The following SOBP variants were observed in gnomAD, a reference collection of about 807,000 sequenced individuals.
SOBP encodes the protein sine oculis binding protein homolog, also known as sine oculis-binding protein homolog.
A neutral mutation model predicts 53.6 loss-of-function variants in SOBP; 4 were observed. The ratio of observed to expected loss-of-function variants is 0.07; its 90% CI spans 0.04 to 0.17. The LOEUF (loss-of-function observed/expected upper bound fraction) is 0.17. Ranked by LOEUF, SOBP falls within the 10% of genes least tolerant of loss-of-function variation. The pLI, the probability that SOBP is intolerant of heterozygous loss-of-function variation, is 1.00. For synonymous variants in SOBP, 584 were observed against 522.6 expected (o/e 1.12, Z -1.60); for missense variants, 1,088 against 1,204.7 (o/e 0.90, Z 1.43).
At chr6:107,558,845 A>C (rs193146267) in intron 4 of SOBP, among the ~76,000 whole-genome samples, 5 of 152,226 alleles carry the variant, frequency 3.3e-5, no homozygotes, top group Admixed American at 2.0e-4. Flanking sequence ...ACAACTAGCT[A>C]TTTAGATTAG....
At chr6:107,600,641 TG>T (rs1482076578) in intron 5 of SOBP, among the ~76,000 whole-genome samples, 1 of 152,232 alleles carries the variant, frequency 6.6e-6, no homozygotes. Flanking sequence ...AGCTGAAGCC[TG>T]AGGATAAAGG....
intron 4 of SOBP, among the ~76,000 whole-genome samples, chr6:107,546,677 G>T (rs1001069839): frequency 6.6e-6 from 1 of 152,210 alleles, no homozygotes; most frequent in African/African-American, 2.4e-5. Context: ...TACAAAGTTT[G>T]CAGGGTCACT....
At chr6:107,559,842 ACTCTTATAAT>A (rs1332461172) in intron 4 of SOBP, among the ~76,000 whole-genome samples, 5 of 152,182 alleles carry the variant, frequency 3.3e-5, no homozygotes, top group Admixed American at 3.3e-4. Flanking sequence ...GCAAACATAG[ACTCTTATAAT>A]CTAAAGTAGG....
In SOBP at chr6:107,660,889, G is replaced by A. The variant is rs1772267168; in HGVS notation, c.*2686G>A. Among the ~76,000 whole-genome samples, 2 of 152,230 alleles carry A rather than the reference G, an allele frequency of 1.3e-5. No homozygotes were observed. Among genetic ancestry groups the A allele is most frequent in the South Asian group, 2.1e-4 (1 of 4,834 alleles). On this transcript the variant is annotated 3_prime_UTR_variant, in exon 7 of 7. Coordinates refer to ENST00000317357, the MANE Select transcript of SOBP (RefSeq NM_018013.4). The stretch of plus-strand genomic sequence containing the variant: ...AAGTGATCATCCTGTGGATTCCGGA[G>A]ACCTGATTTTCTTCTCCCATGGAGC...
intron 4 of SOBP, among the ~76,000 whole-genome samples, chr6:107,585,815 T>C (rs1583240252): frequency 6.6e-6 from 1 of 152,174 alleles, no homozygotes; most frequent in Non-Finnish European, 1.5e-5. Context: ...GTACAAAATA[T>C]GGATCTCTTT....
intron 3 of SOBP, among the ~76,000 whole-genome samples, chr6:107,529,843 C>T (rs1163284962): frequency 6.6e-6 from 1 of 152,084 alleles, no homozygotes; most frequent in Non-Finnish European, 1.5e-5. Context: ...TGTTCTATAG[C>T]TCTTGGAACA....
At chr6:107,567,658 G>C (rs564445503) in intron 4 of SOBP, among the ~76,000 whole-genome samples, 2 of 152,310 alleles carry the variant, frequency 1.3e-5, no homozygotes, top group African/African-American at 4.8e-5. Flanking sequence ...TCCACTTCCA[G>C]AATTTTGTGT....
At chr6:107,630,792 C>CG in intron 5 of SOBP, among the ~76,000 whole-genome samples, 1 of 149,336 alleles carries the variant, frequency 6.7e-6, no homozygotes, top group East Asian at 2.0e-4. Context: ...CTCACGTTAC[C>CG]GAAAACAAGA....
chr6:107,558,974 A>T (rs1378753213), intron 4 of SOBP, among the ~76,000 whole-genome samples: 1 of 152,112 alleles, frequency 6.6e-6, no homozygotes, highest in East Asian at 1.9e-4. Flanking sequence ...TTTCATTATA[A>T]TAAAAACCCC....
chr6:107,603,605 A>T (rs1447350065), intron 5 of SOBP, among the ~76,000 whole-genome samples: 1 of 152,212 alleles, frequency 6.6e-6, no homozygotes, highest in African/African-American at 2.4e-5. Context: ...AAGCAGCTTA[A>T]GTACGATGTA....
At chr6:107,625,172 G>A (rs1052244384) in intron 5 of SOBP, among the ~76,000 whole-genome samples, 1 of 152,174 alleles carries the variant, frequency 6.6e-6, no homozygotes, top group Non-Finnish European at 1.5e-5. Context: ...TGTTACTAGT[G>A]TATAATTTAT....
intron 4 of SOBP, among the ~76,000 whole-genome samples, chr6:107,575,739 G>A (rs78995803): frequency 1.3e-5 from 2 of 151,950 alleles, no homozygotes; most frequent in African/African-American, 4.8e-5. Flanking sequence ...ATAATAATAA[G>A]AAGAAGAAGA....
intron 5 of SOBP, 158 bp downstream of exon 5, chr6:107,587,333 T>A: frequency 1.5e-6 from 1 of 661,468 alleles, no homozygotes; most frequent in Non-Finnish European, 2.6e-6. Context: ...ATATTAATTT[T>A]AAGATCTCAA....
chr6:107,585,297 C>T (rs1785531365), intron 4 of SOBP, among the ~76,000 whole-genome samples: 1 of 152,186 alleles, frequency 6.6e-6, no homozygotes. Flanking sequence ...AGTGGCTTAA[C>T]ATTTTGTTAT....
At chr6:107,536,212 G>A (rs1783993752) in intron 4 of SOBP, among the ~76,000 whole-genome samples, 2 of 152,180 alleles carry the variant, frequency 1.3e-5, no homozygotes, top group Non-Finnish European at 2.9e-5. Context: ...GGATAGCATG[G>A]TGGGATCTAA....
At chr6:107,536,902 A>G (rs1399628392) in intron 4 of SOBP, among the ~76,000 whole-genome samples, 1 of 152,238 alleles carries the variant, frequency 6.6e-6, no homozygotes, top group Non-Finnish European at 1.5e-5. Flanking sequence ...TGCTGGCTTA[A>G]AAGTTTTTGA....
chr6:107,521,863 C>T (rs1467183327), intron 3 of SOBP, among the ~76,000 whole-genome samples: 4 of 150,842 alleles, frequency 2.7e-5, no homozygotes, highest in African/African-American at 9.8e-5. Context: ...CAGATATGCT[C>T]CTGTCTTAAC....
intron 1 of SOBP, among the ~76,000 whole-genome samples, chr6:107,495,623 C>G (rs1417137531): frequency 6.6e-6 from 1 of 152,060 alleles, no homozygotes; most frequent in Admixed American, 6.6e-5. Flanking sequence ...GCCCTACTCT[C>G]CTTGTGTGAA....
intron 6 of SOBP, among the ~76,000 whole-genome samples, chr6:107,653,296 G>A (rs1168216389): frequency 6.6e-6 from 1 of 152,228 alleles, no homozygotes. Context: ...AGGCGGCTCT[G>A]TTCATTGACC....
Sources: gnomAD v4.1 joint callset for allele counts (sites outside exome capture counted in the v4.1 genomes callset) on GRCh38, gnomAD v4.1.1 for gene constraint, MANE v1.5 for transcripts, NCBI Gene and HGNC (gene_info 2026-07-23, HGNC 2026-07-21) for gene names.